Variants in APBA1 observed in about 807,000 individuals in gnomAD.
The protein encoded by APBA1 is amyloid-beta A4 precursor protein-binding family A member 1.
In APBA1, 55 loss-of-function variants were observed where a neutral mutation model predicts 86.6. That is an observed-to-expected ratio of 0.64 (90% CI 0.51 to 0.80). APBA1 has a LOEUF of 0.80. APBA1 is among the 30% of genes least tolerant of loss of function. The probability of loss-of-function intolerance (pLI) is 0.00; values close to 1 mark genes in which losing one functional copy is unlikely to be tolerated. For synonymous variants in APBA1, 511 were observed against 493.9 expected, an observed-to-expected ratio of 1.03 and a Z score of -0.46; for missense variants, 1,090 against 1,183.0, an observed-to-expected ratio of 0.92 and a Z score of 1.15.
chr9:69,629,130 A>C (rs1822989996), intron 1 of APBA1, among the ~76,000 whole-genome samples: 1 of 152,214 alleles, frequency 6.6e-6, no homozygotes, highest in African/African-American at 2.4e-5. Flanking sequence ...TAAAGTCTGA[A>C]TTGAAACCAA....
chr9:69,624,584 C>G (rs1822891284), intron 1 of APBA1, among the ~76,000 whole-genome samples: 1 of 152,146 alleles, frequency 6.6e-6, no homozygotes, highest in African/African-American at 2.4e-5. Context: ...TGACTGGTTT[C>G]TCACTCTCAC....
intron 8 of APBA1, among the ~76,000 whole-genome samples, chr9:69,453,064 A>C (rs1193485472): frequency 6.6e-6 from 1 of 152,238 alleles, no homozygotes; most frequent in Non-Finnish European, 1.5e-5. Context: ...CTATCTCATT[A>C]TGCCTTTCAG....
At chr9:69,474,724 A>G (rs1835415412) in intron 3 of APBA1, among the ~76,000 whole-genome samples, 1 of 152,198 alleles carries the variant, frequency 6.6e-6, no homozygotes, top group Non-Finnish European at 1.5e-5. Context: ...GTGTCATTTC[A>G]GAGAAGGTCT....
chr9:69,598,733 G>T (rs186436426), intron 1 of APBA1, among the ~76,000 whole-genome samples: 184 of 152,312 alleles, frequency 1.2e-3, no homozygotes, highest in African/African-American at 3.9e-3. Context: ...AGATCCACCT[G>T]TGGGGAGATG....
intron 1 of APBA1, among the ~76,000 whole-genome samples, chr9:69,545,793 G>A (rs1836688481): frequency 6.6e-6 from 1 of 152,164 alleles, no homozygotes; most frequent in Admixed American, 6.5e-5. Flanking sequence ...TTTTGGCTCA[G>A]ATGTGAAATG....
intron 10 of APBA1, among the ~76,000 whole-genome samples, chr9:69,441,433 G>A (rs1427249550): frequency 6.6e-6 from 1 of 152,202 alleles, no homozygotes; most frequent in African/African-American, 2.4e-5. Context: ...CTATGAGGAA[G>A]TATCAGATGT....
chr9:69,476,211 G>A (rs1835444013), intron 2 of APBA1, 68 bp from the exon 3 acceptor site: 6 of 1,168,018 alleles, frequency 5.1e-6, no homozygotes, highest in Non-Finnish European at 7.5e-6. Context: ...CTGGGGGAAA[G>A]GGGCCGGGAG....
chr9:69,655,402 A>G (rs1201474326), intron 1 of APBA1, among the ~76,000 whole-genome samples: 3 of 152,226 alleles, frequency 2.0e-5, no homozygotes, highest in Non-Finnish European at 4.4e-5. Flanking sequence ...GTAGTATACA[A>G]AATCAACATG....
chr9:69,489,118 T>A (rs900629639), intron 2 of APBA1, among the ~76,000 whole-genome samples: 6 of 152,124 alleles, frequency 3.9e-5, no homozygotes, highest in Admixed American at 6.5e-5. Flanking sequence ...TTCACAGAAT[T>A]GGAAAAAACT....
At chr9:69,533,398 C>G (rs1471811651) in intron 1 of APBA1, among the ~76,000 whole-genome samples, 2 of 152,060 alleles carry the variant, frequency 1.3e-5, no homozygotes, top group Admixed American at 1.3e-4. Context: ...ACCCATTCTG[C>G]CTACTTTATG....
intron 2 of APBA1, among the ~76,000 whole-genome samples, chr9:69,488,956 A>C (rs2133856734): frequency 6.6e-6 from 1 of 152,160 alleles, no homozygotes; most frequent in South Asian, 2.1e-4. Context: ...GAGAACTACA[A>C]ACCACTGCTC....
At chr9:69,511,152 C>T (rs933468369) in intron 2 of APBA1, among the ~76,000 whole-genome samples, 2 of 151,870 alleles carry the variant, frequency 1.3e-5, no homozygotes, top group African/African-American at 4.8e-5. Context: ...AAAATGGGAG[C>T]AAATTTTCGC....
At chr9:69,628,937 G>A (rs937250026) in intron 1 of APBA1, among the ~76,000 whole-genome samples, 17 of 152,124 alleles carry the variant, frequency 1.1e-4, no homozygotes, top group African/African-American at 4.1e-4. Flanking sequence ...TTGTTACAGG[G>A]CTGTGATATT....
intron 2 of APBA1, among the ~76,000 whole-genome samples, chr9:69,496,586 G>A (rs745949436): frequency 6.6e-6 from 1 of 152,038 alleles, no homozygotes; most frequent in Non-Finnish European, 1.5e-5. Flanking sequence ...TTGGCAGTCC[G>A]ATTGCACCTA....
In APBA1 at chr9:69,456,448, G is replaced by C. The variant is rs1262879896; in HGVS notation, c.1603-16C>G. The C allele has an allele frequency of 7.6e-6, 12 of 1,572,204 alleles. No individual in the cohort carries two copies. Among genetic ancestry groups the C allele is most frequent in the Non-Finnish European group, 1.0e-5 (12 of 1,158,278 alleles). ...TCATTGTCTCCTGGAGGCAGGAAGA[G>C]AGGGCGGGTAAGTCCAGCTCAGCAT... On this transcript the variant is annotated splice_polypyrimidine_tract_variant and intron_variant, in intron 7 of 12. Coordinates refer to ENST00000265381, the MANE Select transcript of APBA1 (RefSeq NM_001163.4).
chr9:69,434,705 T>C (rs1834669672), intron 11 of APBA1, among the ~76,000 whole-genome samples: 1 of 143,352 alleles, frequency 7.0e-6, no homozygotes, highest in Non-Finnish European at 1.5e-5. Flanking sequence ...AGACTCCATC[T>C]CAATTTAAAA....
chr9:69,544,921 C>A (rs1001710363), intron 1 of APBA1, among the ~76,000 whole-genome samples: 2 of 152,166 alleles, frequency 1.3e-5, no homozygotes, highest in African/African-American at 4.8e-5. Context: ...ATGTATGGTT[C>A]TTCAATGAAG....
intron 1 of APBA1, among the ~76,000 whole-genome samples, chr9:69,546,859 G>C (rs557196863): frequency 7.9e-5 from 12 of 152,298 alleles, no homozygotes; most frequent in Admixed American, 6.5e-5. Flanking sequence ...AGGCAATGCT[G>C]ATATGCACCC....
Position 69,517,223 on chromosome 9 carries a change from A to C in APBA1, c.-13T>G. 2 of 1,464,290 alleles carry C rather than the reference A, an allele frequency of 1.4e-6. No individual in the cohort carries two copies. Among genetic ancestry groups the C allele is most frequent in the Non-Finnish European group, 9.0e-7 (1 of 1,107,670 alleles). The allele number at this position is 1,464,290 out of a possible 1,614,324, so 90.7% of individuals were successfully genotyped here. ...CCAAGTGGTTCATGGTGGGAGTCGG[A>C]ACGGCTAGGAGAGAAGCTGGGCCCG... On this transcript the variant is annotated 5_prime_UTR_variant, in exon 2 of 13. Transcript: ENST00000265381.
Sources: allele counts gnomAD v4.1 joint callset (sites outside exome capture counted in the v4.1 genomes callset), GRCh38; gene constraint gnomAD v4.1.1; transcripts MANE v1.5; gene names NCBI Gene and HGNC (gene_info 2026-07-23, HGNC 2026-07-21).